The following TTC3 variants were observed in gnomAD, a reference collection of about 807,000 sequenced individuals.
TTC3 encodes the protein E3 ubiquitin-protein ligase TTC3.
A neutral mutation model predicts 249.6 loss-of-function variants in TTC3; 180 were observed. The ratio of observed to expected loss-of-function variants is 0.72; its 90% CI spans 0.64 to 0.82. TTC3 has a LOEUF of 0.82. Among genes scored for constraint, TTC3 ranks in the 40% least tolerant of loss-of-function variants. The pLI is 0.00. For synonymous variants in TTC3, 717 were observed against 805.0 expected (o/e 0.89, Z 1.85); for missense variants, 2,061 against 2,398.4 (o/e 0.86, Z 2.94).
At chr21:37,108,412 A>G (rs752711938) in exon 11 of TTC3, 19 of 1,611,916 alleles carry the variant, frequency 1.2e-5, no homozygotes, top group Admixed American at 1.7e-5. Context: ...GGTGATGGAA[A>G]GAGAGCCACT....
intron 42 of TTC3, among the ~76,000 whole-genome samples, chr21:37,196,238 T>A (rs1323817364): frequency 8.6e-5 from 2 of 23,140 alleles, no homozygotes; most frequent in Non-Finnish European, 1.3e-4. Flanking sequence ...TTTTTCTTTC[T>A]TTTTTTTTTT....
At chr21:37,102,509 G>A (rs561806028) in intron 10 of TTC3, among the ~76,000 whole-genome samples, 2 of 152,300 alleles carry the variant, frequency 1.3e-5, no homozygotes, top group East Asian at 3.9e-4. Flanking sequence ...GATGCAATTG[G>A]AGAACAGGCC....
At chr21:37,126,044 T>TG (rs778748613) in intron 14 of TTC3, 36 bp from the exon 15 acceptor site, 4 of 1,553,978 alleles carry the variant, frequency 2.6e-6, no homozygotes, top group South Asian at 2.4e-5. Context: ...CTGGGTTGTT[T>TG]TTTTTTTTTT....
At chr21:37,093,064 T>A (rs1379886646) in intron 7 of TTC3, among the ~76,000 whole-genome samples, 1 of 152,184 alleles carries the variant, frequency 6.6e-6, no homozygotes, top group Non-Finnish European at 1.5e-5. Context: ...TGAAACCTTT[T>A]GAGCTTCGCT....
chr21:37,157,267 T>G lies in TTC3; in HGVS notation c.2992+361T>G, dbSNP rs1485301022. On this transcript the variant is annotated intron_variant, in intron 28 of 45. Coordinates refer to ENST00000355666, the Ensembl canonical transcript of TTC3. ...GAAAACATTGGTCTGCAGAAGTAGG[T>G]GATGTTTGCAGAATCTAGAATGGAT... The G allele has an allele frequency of 3.6e-6, 4 of 1,101,542 alleles. No individual in the cohort carries two copies. In the African/African-American group the frequency reaches 6.5e-5, roughly 18 times the overall value. 68.2% of individuals were successfully genotyped at this position (1,101,542 alleles called of 1,614,324 possible). A position where few individuals can be genotyped will look rare whatever the true frequency, so the allele number is the denominator to read the frequency against.
intron 11 of TTC3, among the ~76,000 whole-genome samples, chr21:37,111,320 CAG>C (rs1005478554): frequency 6.6e-6 from 1 of 152,036 alleles, no homozygotes; most frequent in African/African-American, 2.4e-5. Flanking sequence ...ATCTCACGTG[CAG>C]AGACATATAG....
chr21:37,124,451 CA>C (rs2076898114), intron 13 of TTC3, among the ~76,000 whole-genome samples, 167 bp from the exon 14 acceptor site: 1 of 152,000 alleles, frequency 6.6e-6, no homozygotes, highest in Non-Finnish European at 1.5e-5. Context: ...AGTTTAATGC[CA>C]AATATAAAAT....
chr21:37,179,064 T>C (rs1339260817), intron 35 of TTC3, among the ~76,000 whole-genome samples: 1 of 152,016 alleles, frequency 6.6e-6, no homozygotes, highest in African/African-American at 2.4e-5. Context: ...TTGAGCCCAG[T>C]AGTTCAAGAC....
chr21:37,201,865 G>A (rs1039532295), exon 46 of TTC3: 6 of 370,662 alleles, frequency 1.6e-5, no homozygotes, highest in East Asian at 6.1e-5. Context: ...TACTATGAAC[G>A]TCTCGAAGCA....
At chr21:37,138,585 T>C (rs1272407671) in intron 18 of TTC3, 49 bp from the exon 19 acceptor site, 7 of 1,327,214 alleles carry the variant, frequency 5.3e-6, no homozygotes, top group South Asian at 1.2e-5. Flanking sequence ...TGGATGCAAA[T>C]TGGGCAGAAT....
chr21:37,156,991 A>G (rs2080159889), intron 28 of TTC3, 85 bp downstream of exon 28: 1 of 1,483,550 alleles, frequency 6.7e-7, no homozygotes, highest in Non-Finnish European at 9.1e-7. Flanking sequence ...TTAAATATAT[A>G]ACAAAGAAAA....
intron 10 of TTC3, among the ~76,000 whole-genome samples, chr21:37,103,707 A>G (rs1276993428): frequency 6.6e-6 from 1 of 152,238 alleles, no homozygotes; most frequent in East Asian, 1.9e-4. Context: ...AATGTCAGAA[A>G]TGAGCAAAAA....
chr21:37,099,367 G>A (rs772370285), intron 10 of TTC3, among the ~76,000 whole-genome samples: 7 of 152,184 alleles, frequency 4.6e-5, no homozygotes, highest in Non-Finnish European at 1.0e-4. Context: ...GATGAAACAG[G>A]TATAGGGAGG....
intron 1 of TTC3, 106 bp downstream of exon 1, chr21:37,073,579 A>G (rs11701388): frequency 0.67 from 574,377 of 862,690 alleles, 192,474 homozygotes; most frequent in African/African-American, 0.76. Context: ...GCCATTGCCT[A>G]CCCCAGTGGG....
At chr21:37,175,263 CAA>C (rs58424565) in intron 35 of TTC3, among the ~76,000 whole-genome samples, 4,424 of 53,718 alleles carry the variant, frequency 0.082, 148 homozygotes, top group African/African-American at 0.24. Context: ...GACTGTGTCT[CAA>C]AAAAAAAAAA....
intron 17 of TTC3, among the ~76,000 whole-genome samples, chr21:37,134,258 T>C (rs534030160): frequency 1.3e-5 from 2 of 152,268 alleles, no homozygotes; most frequent in Admixed American, 1.3e-4. Flanking sequence ...GAAACCATCC[T>C]GGCCATCATG....
intron 1 of TTC3, among the ~76,000 whole-genome samples, chr21:37,079,736 G>C (rs551457560): frequency 1.3e-5 from 2 of 151,918 alleles, no homozygotes; most frequent in Non-Finnish European, 2.9e-5. Context: ...GTTTCACCAT[G>C]TTGGCCAGGC....
intron 32 of TTC3, among the ~76,000 whole-genome samples, chr21:37,164,775 G>A (rs1170464757): frequency 6.6e-6 from 1 of 152,156 alleles, no homozygotes; most frequent in Non-Finnish European, 1.5e-5. Flanking sequence ...ACCATTTTGA[G>A]CTTTGTGTTA....
intron 24 of TTC3, 138 bp from the exon 25 acceptor site, chr21:37,150,682 G>A (rs1235529601): frequency 1.5e-6 from 1 of 653,226 alleles, no homozygotes; most frequent in Non-Finnish European, 2.7e-6. Flanking sequence ...CTGGGCTTTT[G>A]TCTGGGTCAG....
Sources: gnomAD v4.1 joint callset for allele counts (sites outside exome capture counted in the v4.1 genomes callset) on GRCh38, gnomAD v4.1.1 for gene constraint, MANE v1.5 for transcripts, NCBI Gene and HGNC (gene_info 2026-07-23, HGNC 2026-07-21) for gene names.